SCP2: variants seen among roughly 807,000 people sequenced by gnomAD.
SCP2 encodes SCP-2/3-oxoacyl-CoA thiolase.
SCP2 carries 48 observed loss-of-function variants against 71.4 expected under a neutral mutation model. The ratio of observed to expected loss-of-function variants is 0.67; its 90% confidence interval spans 0.53 to 0.86. SCP2 has a LOEUF of 0.86. Among genes scored for constraint, SCP2 ranks in the 40% least tolerant of loss-of-function variants. The pLI, the probability that SCP2 is intolerant of heterozygous loss-of-function variation, is 0.00. For synonymous variants in SCP2, 220 were observed against 218.1 expected (o/e 1.01, Z -0.08); for missense variants, 560 against 655.6 (o/e 0.85, Z 1.59).
intron 1 of SCP2, among the ~76,000 whole-genome samples, chr1:52,939,511 A>G (rs1201365542): frequency 6.6e-6 from 1 of 152,104 alleles, no homozygotes; most frequent in Non-Finnish European, 1.5e-5. Flanking sequence ...ACACCACTGC[A>G]CTCCAGCCTG....
chr1:52,979,223 G>A (rs1047507743), intron 9 of SCP2, among the ~76,000 whole-genome samples: 4 of 151,972 alleles, frequency 2.6e-5, no homozygotes, highest in African/African-American at 9.7e-5. Context: ...CCAGGCTGGA[G>A]CGTGGTGGTG....
intron 1 of SCP2, among the ~76,000 whole-genome samples, chr1:52,936,837 A>G (rs1040195029): frequency 6.6e-6 from 1 of 152,130 alleles, no homozygotes; most frequent in Non-Finnish European, 1.5e-5. Context: ...TACAGAGTAC[A>G]TGGAGGAGTT....
At chr1:53,009,745 AG>A (rs1158510812) in intron 11 of SCP2, among the ~76,000 whole-genome samples, 1 of 152,238 alleles carries the variant, frequency 6.6e-6, no homozygotes, top group African/African-American at 2.4e-5. Flanking sequence ...AAACACCAAA[AG>A]CAATGGCAAC....
intron 14 of SCP2, among the ~76,000 whole-genome samples, chr1:53,042,798 T>C (rs1663528913): frequency 6.6e-6 from 1 of 152,226 alleles, no homozygotes; most frequent in African/African-American, 2.4e-5. Context: ...TTTACTTAAA[T>C]GTATTTTGTA....
chr1:52,973,824 A>T (rs893548942), intron 6 of SCP2, among the ~76,000 whole-genome samples: 1 of 151,368 alleles, frequency 6.6e-6, no homozygotes, highest in Non-Finnish European at 1.5e-5. Context: ...CTGGTCTTGA[A>T]CTCCTGACCT....
chr1:53,018,318 G>A (rs1445972058), intron 12 of SCP2, among the ~76,000 whole-genome samples: 3 of 152,056 alleles, frequency 2.0e-5, no homozygotes, highest in Non-Finnish European at 4.4e-5. Context: ...ATTTATATCT[G>A]TATACATTTT....
At chr1:53,015,882 G>A (rs1268862118) in intron 12 of SCP2, among the ~76,000 whole-genome samples, 7 of 152,164 alleles carry the variant, frequency 4.6e-5, no homozygotes, top group Non-Finnish European at 1.0e-4. Flanking sequence ...AAATGAAATT[G>A]AATAACTTTG....
intron 13 of SCP2, among the ~76,000 whole-genome samples, chr1:53,036,352 A>G (rs1228702906): frequency 6.7e-6 from 1 of 149,966 alleles, no homozygotes; most frequent in Non-Finnish European, 1.5e-5. Flanking sequence ...TCTTAAAACA[A>G]TGCTGTGAAT....
intron 9 of SCP2, among the ~76,000 whole-genome samples, chr1:52,978,625 C>T (rs772107829): frequency 8.5e-5 from 13 of 152,262 alleles, no homozygotes; most frequent in East Asian, 3.9e-4. Context: ...TGCAGTAGTG[C>T]GATCTCAGCT....
At chr1:52,959,578 T>C (rs1458509786) in intron 5 of SCP2, among the ~76,000 whole-genome samples, 1 of 152,104 alleles carries the variant, frequency 6.6e-6, no homozygotes, top group Non-Finnish European at 1.5e-5. Flanking sequence ...GGGAAAGTTT[T>C]CAATCTTCTG....
chr1:52,988,860 A>AT (rs1292074564), intron 11 of SCP2, among the ~76,000 whole-genome samples: 41 of 143,658 alleles, frequency 2.9e-4, no homozygotes, highest in East Asian at 6.1e-4. Flanking sequence ...TAATTTTTGT[A>AT]TTTTTTTTTT....
intron 12 of SCP2, among the ~76,000 whole-genome samples, chr1:53,024,663 T>C (rs1440073329): frequency 2.0e-5 from 3 of 151,338 alleles, no homozygotes; most frequent in Non-Finnish European, 2.9e-5. Flanking sequence ...CTTTGTCTCC[T>C]GGGTTCAAGC....
At chr1:52,962,388 C>G (rs1316167246) in intron 6 of SCP2, among the ~76,000 whole-genome samples, 1 of 152,122 alleles carries the variant, frequency 6.6e-6, no homozygotes, top group African/African-American at 2.4e-5. Context: ...AGTGTTCTAA[C>G]TGGTTTCTCT....
chr1:52,990,843 A>G (rs1659434438), intron 11 of SCP2, among the ~76,000 whole-genome samples: 1 of 152,182 alleles, frequency 6.6e-6, no homozygotes. Flanking sequence ...GAGTGTTTCA[A>G]AAGTAAGAGA....
chr1:53,040,553 T>C (rs1210552638), intron 14 of SCP2, among the ~76,000 whole-genome samples: 1 of 152,064 alleles, frequency 6.6e-6, no homozygotes, highest in Non-Finnish European at 1.5e-5. Flanking sequence ...ACCCCATCTC[T>C]ACTAAAAATA....
intron 13 of SCP2, among the ~76,000 whole-genome samples, chr1:53,037,875 T>TACACAC (rs1298266602): frequency 2.2e-4 from 21 of 96,536 alleles, no homozygotes; most frequent in Admixed American, 6.9e-4. Context: ...ATCCTGTCTC[T>TACACAC]ACATACACAC....
intron 5 of SCP2, 33 bp from the exon 6 acceptor site, chr1:52,961,470 A>C: frequency 6.2e-7 from 1 of 1,611,560 alleles, no homozygotes; most frequent in Non-Finnish European, 8.5e-7. Flanking sequence ...TTATCATGTC[A>C]GCTGCTTATG....
At chr1:52,970,368 G>A (rs1657356074) in intron 6 of SCP2, among the ~76,000 whole-genome samples, 1 of 152,156 alleles carries the variant, frequency 6.6e-6, no homozygotes, top group Non-Finnish European at 1.5e-5. Context: ...TCCTGTCTCA[G>A]CGTCCTGAGT....
chr1:52,999,428 G>A (rs997068135), intron 11 of SCP2, among the ~76,000 whole-genome samples: 1 of 152,156 alleles, frequency 6.6e-6, no homozygotes, highest in Admixed American at 6.5e-5. Flanking sequence ...TCTGTAAATG[G>A]TGTTAATTTA....
Sources: allele counts gnomAD v4.1 joint callset (sites outside exome capture counted in the v4.1 genomes callset), GRCh38; gene constraint gnomAD v4.1.1; transcripts MANE v1.5; gene names NCBI Gene and HGNC (gene_info 2026-07-23, HGNC 2026-07-21).